The following TYW1 variants were observed in gnomAD, a reference collection of about 807,000 sequenced individuals.
TYW1 encodes the protein tRNA-yW synthesizing protein 1 homolog, also known as S-adenosyl-L-methionine-dependent tRNA 4-demethylwyosine synthase TYW1.
A neutral mutation model predicts 96.2 loss-of-function variants in TYW1; 46 were observed. That is an observed-to-expected ratio of 0.48 (90% CI 0.38 to 0.61). TYW1 has a LOEUF of 0.61. TYW1 is among the 20% of genes least tolerant of loss of function. The pLI, the probability that TYW1 is intolerant of heterozygous loss-of-function variation, is 0.00. For missense variants in TYW1, 684 were observed against 909.6 expected (o/e 0.75, Z 3.19); for synonymous variants, 274 against 323.0 (o/e 0.85, Z 1.63).
At chr7:67,094,246 G>A (rs1796816649) in intron 11 of TYW1, among the ~76,000 whole-genome samples, 2 of 152,110 alleles carry the variant, frequency 1.3e-5, no homozygotes, top group African/African-American at 4.8e-5. Flanking sequence ...GTCAACCGTT[G>A]ATGGACACTT....
intron 7 of TYW1, among the ~76,000 whole-genome samples, chr7:67,040,867 A>T (rs927249150): frequency 4.6e-5 from 7 of 152,038 alleles, no homozygotes; most frequent in African/African-American, 1.7e-4. Context: ...AAAAGAATTT[A>T]AAAACTTTGT....
At chr7:67,156,789 G>A (rs1222892921) in intron 13 of TYW1, among the ~76,000 whole-genome samples, 1 of 151,728 alleles carries the variant, frequency 6.6e-6, no homozygotes, top group African/African-American at 2.4e-5. Context: ...GTAGTTGCTT[G>A]GGGCTCCTGG....
intron 12 of TYW1, among the ~76,000 whole-genome samples, chr7:67,101,098 C>T (rs1374465043): frequency 6.6e-6 from 1 of 152,092 alleles, no homozygotes; most frequent in Non-Finnish European, 1.5e-5. Context: ...GTTCTCATAC[C>T]TCTTTCTGCA....
chr7:67,171,882 C>T (rs1333955436), intron 13 of TYW1, among the ~76,000 whole-genome samples: 1 of 152,012 alleles, frequency 6.6e-6, no homozygotes, highest in Admixed American at 6.6e-5. Flanking sequence ...CTCCACAAGA[C>T]ATTACCATTT....
chr7:67,178,959 GC>G (rs1799757655), intron 13 of TYW1, among the ~76,000 whole-genome samples: 2 of 138,702 alleles, frequency 1.4e-5, no homozygotes, highest in African/African-American at 2.9e-5. Flanking sequence ...TGACAGGTGA[GC>G]CCCAAAACCG....
In TYW1 at chr7:67,028,146, C is replaced by T. The variant is rs531234286; in HGVS notation, c.984+3124C>T. 2.0e-5 allele frequency among the ~76,000 whole-genome samples: 3 copies of T among 149,684 alleles called. No individual in the cohort carries two copies. In the East Asian group the frequency reaches 5.9e-4, roughly 30 times the overall value. On this transcript the variant is annotated intron_variant, in intron 7 of 15. Coordinates refer to ENST00000359626, the MANE Select transcript of TYW1 (RefSeq NM_018264.4). ...CCCAGCTACTTGGGAGGCTAAGGCA[C>T]GAGAATCTTTTGAACCCTGGCGGCA...
intron 13 of TYW1, among the ~76,000 whole-genome samples, chr7:67,145,663 T>C (rs1457152676): frequency 6.6e-6 from 1 of 152,248 alleles, no homozygotes; most frequent in Admixed American, 6.5e-5. Flanking sequence ...TTTCCTATGG[T>C]CATTTTTTTC....
intron 3 of TYW1, among the ~76,000 whole-genome samples, chr7:66,999,467 C>T (rs1475854337): frequency 6.6e-6 from 1 of 152,164 alleles, no homozygotes; most frequent in Non-Finnish European, 1.5e-5. Flanking sequence ...ATTCTCCTGC[C>T]TCAGCCTCCC....
rs765601721 is a variant in TYW1, at chr7:67,042,558, TG to T, written c.985-7387del. ...GGAGCTGTGACATAGAGAAGGAAGATGGGGTAGGATCCTAGAGGCTTCTCAA... is the reference window on the plus strand; with the variant it reads ...GGAGCTGTGACATAGAGAAGGAAGATGGGTAGGATCCTAGAGGCTTCTCAA... On this transcript the variant is annotated intron_variant, in intron 7 of 15. Transcript: ENST00000359626. Among the ~76,000 whole-genome samples, 9 of 152,018 alleles carry T rather than the reference TG, an allele frequency of 5.9e-5. No individual in the cohort carries two copies. The East Asian group carries it at 1.7e-3, about 29-fold the overall frequency.
At chr7:67,210,547 T>TA (rs1216639754) in intron 15 of TYW1, among the ~76,000 whole-genome samples, 1 of 152,240 alleles carries the variant, frequency 6.6e-6, no homozygotes, top group Non-Finnish European at 1.5e-5. Flanking sequence ...AGTATCTATG[T>TA]AAGTTATTTG....
intron 13 of TYW1, among the ~76,000 whole-genome samples, chr7:67,140,462 A>G (rs565871889): frequency 1.1e-4 from 16 of 152,352 alleles, no homozygotes; most frequent in Non-Finnish European, 2.1e-4. Flanking sequence ...AAAAATGTTT[A>G]AAGTTGGTAC....
intron 7 of TYW1, among the ~76,000 whole-genome samples, chr7:67,028,405 G>A (rs1794531663): frequency 6.6e-6 from 1 of 152,168 alleles, no homozygotes; most frequent in Non-Finnish European, 1.5e-5. Flanking sequence ...AAATTAGCTG[G>A]GTGTGGTGGC....
chr7:67,020,175 T>A (rs980861181), intron 6 of TYW1, among the ~76,000 whole-genome samples: 490 of 151,966 alleles, frequency 3.2e-3, no homozygotes, highest in African/African-American at 0.011. Context: ...AGGCTAGGAG[T>A]TCAAGATCAG....
chr7:67,226,809 C>T (rs983059327), intron 15 of TYW1, among the ~76,000 whole-genome samples: 1 of 152,108 alleles, frequency 6.6e-6, no homozygotes. Context: ...ATTCCAAAAT[C>T]ACTTCTCCCT....
At chr7:67,163,705 G>C (rs1003689936) in intron 13 of TYW1, among the ~76,000 whole-genome samples, 1 of 147,022 alleles carries the variant, frequency 6.8e-6, no homozygotes, top group Non-Finnish European at 1.5e-5. Flanking sequence ...GTCTTGCTCT[G>C]TCGCTCAGGC....
At position 67,009,603 on chromosome 7, in the gene TYW1, T is replaced by G; in HGVS notation, c.294T>G (p.Ala98=). 1 of 1,612,464 alleles carries G rather than the reference T, an allele frequency of 6.2e-7. No homozygotes were observed. Among genetic ancestry groups the G allele is most frequent in the Non-Finnish European group, 8.5e-7 (1 of 1,179,694 alleles). The change falls in exon 4 of 16, where the codon GCT becomes GCG. Residue 98 remains alanine (A), a synonymous_variant. Coordinates refer to ENST00000359626, the MANE Select transcript of TYW1 (RefSeq NM_018264.4). ...GTAKGFATVL[A]EAVTSLDLPV... ...ATTAGGGATTCGCAACAGTTCTTGCTGAAGCAGTTACATCCCTGGATCTGC... is the reference window on the plus strand; with the variant it reads ...ATTAGGGATTCGCAACAGTTCTTGCGGAAGCAGTTACATCCCTGGATCTGC...
chr7:67,163,924 C>G (rs1799246349), intron 13 of TYW1, among the ~76,000 whole-genome samples: 3 of 152,112 alleles, frequency 2.0e-5, no homozygotes, highest in African/African-American at 7.2e-5. Context: ...CCACCTTGGT[C>G]CCCCAAAGTG....
chr7:67,025,079 A>G (rs1794405584), intron 7 of TYW1, 57 bp downstream of exon 7: 10 of 1,604,760 alleles, frequency 6.2e-6, no homozygotes, highest in Non-Finnish European at 8.5e-6. Context: ...AACATTTAGT[A>G]TTTCTTTATT....
chr7:67,022,421 C>T (rs1209828909), intron 6 of TYW1, among the ~76,000 whole-genome samples: 1 of 152,152 alleles, frequency 6.6e-6, no homozygotes, highest in Non-Finnish European at 1.5e-5. Context: ...TGAGATTGGA[C>T]TAGATGATCC....
Sources: allele counts gnomAD v4.1 joint callset (sites outside exome capture counted in the v4.1 genomes callset), GRCh38; gene constraint gnomAD v4.1.1; transcripts MANE v1.5; gene names NCBI Gene and HGNC (gene_info 2026-07-23, HGNC 2026-07-21).